The following DYM variants were observed in gnomAD, a reference collection of about 807,000 sequenced individuals.
DYM encodes the protein dyggve-Melchior-Clausen syndrome protein.
A neutral mutation model predicts 93.1 loss-of-function variants in DYM; 78 were observed. The observed-to-expected ratio is 0.84, with a 90% confidence interval of 0.70 to 1.01. The LOEUF is 1.01. Among genes scored for constraint, DYM ranks in the 50% least tolerant of loss-of-function variants. DYM has a pLI of 0.00. For synonymous variants in DYM, 321 were observed against 319.7 expected (o/e 1.00, Z -0.04); for missense variants, 789 against 845.0 (o/e 0.93, Z 0.82).
At chr18:49,336,944 T>C (rs2146927244) in intron 6 of DYM, among the ~76,000 whole-genome samples, 1 of 152,316 alleles carries the variant, frequency 6.6e-6, no homozygotes, top group East Asian at 1.9e-4. Flanking sequence ...CTTACTATAA[T>C]ATATGAGACT....
rs34811276 is a variant in DYM, at chr18:49,160,576, C to CAA, written c.1728+3107_1728+3108dup. ...AAGTACACGTCGTGAGACTCTGTCTCAAAAAAAAAAAAAAAAAGTACACAT... is the reference window on the plus strand; with the variant it reads ...AAGTACACGTCGTGAGACTCTGTCTCAAAAAAAAAAAAAAAAAAAGTACACAT... On this transcript the variant is annotated intron_variant, in intron 15 of 17. Coordinates refer to ENST00000675505, the MANE Select transcript of DYM (RefSeq NM_001353214.3). Among the ~76,000 whole-genome samples the CAA allele has an allele frequency of 6.1e-3, 825 of 135,430 alleles. 8 individuals are homozygous for CAA. Among genetic ancestry groups the CAA allele is most frequent in the African/African-American group, 0.016 (582 of 36,708 alleles). 88.8% of individuals were successfully genotyped at this position (135,430 alleles called of 152,430 possible).
chr18:49,460,342 G>A (rs1285920896), intron 1 of DYM, 56 bp downstream of exon 1: 2 of 152,172 alleles, frequency 1.3e-5, no homozygotes, highest in Non-Finnish European at 2.9e-5. Flanking sequence ...CAGGAGGCCG[G>A]GGACAGCCAG....
At chr18:49,126,737 T>C (rs1332666939) in intron 15 of DYM, among the ~76,000 whole-genome samples, 3 of 152,204 alleles carry the variant, frequency 2.0e-5, no homozygotes, top group Non-Finnish European at 4.4e-5. Context: ...AAGCACTATG[T>C]GAGTGTTATC....
At chr18:49,369,405 G>T (rs1042087456) in intron 5 of DYM, among the ~76,000 whole-genome samples, 1 of 152,170 alleles carries the variant, frequency 6.6e-6, no homozygotes, top group African/African-American at 2.4e-5. Context: ...GGACAGAACT[G>T]CTTCTTCCAA....
At chr18:49,113,928 C>G (rs910473045) in intron 16 of DYM, among the ~76,000 whole-genome samples, 9 of 152,084 alleles carry the variant, frequency 5.9e-5, no homozygotes, top group Non-Finnish European at 1.0e-4. Context: ...TAGGTTTATC[C>G]AAGTGAATGC....
intron 14 of DYM, among the ~76,000 whole-genome samples, chr18:49,190,429 C>T (rs564261887): frequency 1.3e-5 from 2 of 152,300 alleles, no homozygotes; most frequent in South Asian, 4.1e-4. Flanking sequence ...CCTAACCAGA[C>T]ATACATTGCT....
At chr18:49,317,830 A>G (rs1175329812) in intron 8 of DYM, among the ~76,000 whole-genome samples, 1 of 151,724 alleles carries the variant, frequency 6.6e-6, no homozygotes, top group Non-Finnish European at 1.5e-5. Flanking sequence ...GATGGCATTC[A>G]TCCTTTTAAC....
chr18:49,109,801 G>C (rs2081220930), intron 16 of DYM, among the ~76,000 whole-genome samples: 1 of 152,232 alleles, frequency 6.6e-6, no homozygotes, highest in African/African-American at 2.4e-5. Context: ...TCCAGAAGGA[G>C]ATACAAATAT....
chr18:49,102,889 T>C (rs1388428054), intron 16 of DYM, among the ~76,000 whole-genome samples: 3 of 152,208 alleles, frequency 2.0e-5, no homozygotes, highest in African/African-American at 7.2e-5. Context: ...TGTGCATGTG[T>C]CTTTATAGCA....
chr18:49,320,749 AGGT>A, intron 8 of DYM, among the ~76,000 whole-genome samples: 1 of 152,194 alleles, frequency 6.6e-6, no homozygotes, highest in Non-Finnish European at 1.5e-5. Context: ...CTGGGATTAC[AGGT>A]GTGAGCCACC....
intron 11 of DYM, among the ~76,000 whole-genome samples, chr18:49,264,443 T>C (rs2094538536): frequency 6.6e-6 from 1 of 152,122 alleles, no homozygotes; most frequent in Non-Finnish European, 1.5e-5. Flanking sequence ...GAGTCCTTTT[T>C]CTCTATATCC....
At chr18:49,284,888 C>T (rs564175130) in intron 9 of DYM, among the ~76,000 whole-genome samples, 106 of 152,258 alleles carry the variant, frequency 7.0e-4, no homozygotes, top group African/African-American at 2.5e-3. Context: ...GAAATTTAAT[C>T]TCCAATGAAA....
At chr18:49,055,349 G>A (rs987294515) in intron 17 of DYM, among the ~76,000 whole-genome samples, 3 of 152,196 alleles carry the variant, frequency 2.0e-5, no homozygotes, top group Non-Finnish European at 2.9e-5. Context: ...ACAGAGACTC[G>A]TGATCTAAAA....
chr18:49,320,499 G>A (rs2062384455), intron 8 of DYM, among the ~76,000 whole-genome samples: 1 of 152,124 alleles, frequency 6.6e-6, no homozygotes, highest in Non-Finnish European at 1.5e-5. Flanking sequence ...AATCAAGACA[G>A]AGTCTCGCGC....
chr18:49,181,006 CAAAA>C (rs952421730), intron 14 of DYM, among the ~76,000 whole-genome samples: 1 of 151,800 alleles, frequency 6.6e-6, no homozygotes, highest in Non-Finnish European at 1.5e-5. Flanking sequence ...ACCAAACAAA[CAAAA>C]AAAACTGTGC....
At chr18:49,239,865 T>C (rs1300803037) in intron 13 of DYM, among the ~76,000 whole-genome samples, 1 of 152,236 alleles carries the variant, frequency 6.6e-6, no homozygotes, top group East Asian at 1.9e-4. Flanking sequence ...TTTGGGGTAG[T>C]TTGTTACACA....
intron 1 of DYM, among the ~76,000 whole-genome samples, chr18:49,455,219 A>T (rs1351939933): frequency 6.6e-6 from 1 of 152,152 alleles, no homozygotes; most frequent in Non-Finnish European, 1.5e-5. Context: ...AATCCAAAAT[A>T]TCTATGTCTA....
chr18:49,067,362 T>A, intron 17 of DYM, among the ~76,000 whole-genome samples: 1 of 111,950 alleles, frequency 8.9e-6, no homozygotes, highest in Non-Finnish European at 1.8e-5. Flanking sequence ...AGGAGTGGGG[T>A]GATGTGTTAT....
At chr18:49,322,115 C>T (rs2062527566) in intron 8 of DYM, among the ~76,000 whole-genome samples, 1 of 152,122 alleles carries the variant, frequency 6.6e-6, no homozygotes, top group East Asian at 1.9e-4. Context: ...TCAAGTTCTA[C>T]TGTATGAATT....
Sources: gnomAD v4.1 joint callset for allele counts (sites outside exome capture counted in the v4.1 genomes callset) on GRCh38, gnomAD v4.1.1 for gene constraint, MANE v1.5 for transcripts, NCBI Gene and HGNC (gene_info 2026-07-23, HGNC 2026-07-21) for gene names.